The following PRKCA variants were observed in gnomAD, a reference collection of about 807,000 sequenced individuals.
PRKCA encodes protein kinase C alpha type.
Under a neutral mutation model 87.0 loss-of-function variants are expected in PRKCA, and 27 were observed. That is an observed-to-expected ratio of 0.31 (90% confidence interval 0.23 to 0.43). PRKCA has a LOEUF of 0.43. Ranked by LOEUF, PRKCA falls within the 20% of genes least tolerant of loss-of-function variation. The pLI is 1.00. For missense variants in PRKCA, 518 were observed against 852.3 expected (o/e 0.61, Z 4.88); for synonymous variants, 329 against 311.1 (o/e 1.06, Z -0.61).
In PRKCA at chr17:66,756,083, G is replaced by A. The variant is rs115674900; in HGVS notation, c.1524+13323G>A. Among the ~76,000 whole-genome samples the A allele has an allele frequency of 5.1e-3, 771 of 152,302 alleles. 5 individuals carry two copies. The highest frequency in any genetic ancestry group is 0.018 in the African/African-American group (750 of 41,564). On this transcript the variant is annotated intron_variant, in intron 13 of 16. Coordinates refer to ENST00000413366, the MANE Select transcript of PRKCA (RefSeq NM_002737.3). Reference sequence around the variant, plus strand: ...AGAATCAGTCACGGGGGCTCCACGCGTTTTGGAGTTTTCCCTCAGGAAGCG... The same window carrying A: ...AGAATCAGTCACGGGGGCTCCACGCATTTTGGAGTTTTCCCTCAGGAAGCG...
intron 3 of PRKCA, among the ~76,000 whole-genome samples, chr17:66,574,882 T>C (rs2143417457): frequency 6.6e-6 from 1 of 152,350 alleles, no homozygotes; most frequent in African/African-American, 2.4e-5. Context: ...AATAGAACAA[T>C]TCTAACAATA....
At chr17:66,735,816 TC>T (rs2144213870) in intron 10 of PRKCA, among the ~76,000 whole-genome samples, 154 bp downstream of exon 10, 1 of 152,138 alleles carries the variant, frequency 6.6e-6, no homozygotes, top group South Asian at 2.1e-4. Flanking sequence ...CTCCCACCTC[TC>T]TCACTGGTAG....
At position 66,689,086 on chromosome 17, in the gene PRKCA, G is replaced by C. The variant is rs779810615; in HGVS notation, c.918+39G>C. ...AATGCCCGGAAACACCTTTCCTTTAGAAAGCCCAACTTCAGGAACGGCCGA... is the reference window on the plus strand; with the variant it reads ...AATGCCCGGAAACACCTTTCCTTTACAAAGCCCAACTTCAGGAACGGCCGA... On this transcript the variant is annotated intron_variant, in intron 8 of 16. Coordinates refer to ENST00000413366, the MANE Select transcript of PRKCA (RefSeq NM_002737.3). The surrounding 1 kb of genome is among the most constrained non-coding windows in gnomAD (Gnocchi z 4.1). The C allele has an allele frequency of 7.2e-7, 1 of 1,379,640 alleles. No individual in the cohort carries two copies. Among genetic ancestry groups the C allele is most frequent in the Non-Finnish European group, 1.0e-6 (1 of 997,954 alleles). The allele number at this position is 1,379,640 out of a possible 1,614,324, so 85.5% of individuals were successfully genotyped here.
chr17:66,411,506 GC>G (rs1911804085), intron 2 of PRKCA, among the ~76,000 whole-genome samples: 1 of 152,194 alleles, frequency 6.6e-6, no homozygotes, highest in African/African-American at 2.4e-5. Context: ...TAGTTTGCCT[GC>G]CCTCTGGGAC....
intron 2 of PRKCA, among the ~76,000 whole-genome samples, chr17:66,445,249 G>A (rs1159499975): frequency 1.3e-5 from 2 of 152,200 alleles, no homozygotes; most frequent in Non-Finnish European, 2.9e-5. Flanking sequence ...TTGACCAGGA[G>A]TGTTTCCAGA....
At chr17:66,469,525 A>G (rs1915233129) in intron 2 of PRKCA, among the ~76,000 whole-genome samples, 1 of 152,210 alleles carries the variant, frequency 6.6e-6, no homozygotes, top group Non-Finnish European at 1.5e-5. Flanking sequence ...CTTTCTAGGT[A>G]TCTGAGCAAT....
chr17:66,305,178 A>G (rs1437442457), intron 1 of PRKCA, among the ~76,000 whole-genome samples: 1 of 152,148 alleles, frequency 6.6e-6, no homozygotes, highest in Non-Finnish European at 1.5e-5. Flanking sequence ...GTTTGCTTTC[A>G]TTATTGCTTC....
At chr17:66,331,965 C>CT (rs1043125659) in intron 2 of PRKCA, among the ~76,000 whole-genome samples, 3 of 151,776 alleles carry the variant, frequency 2.0e-5, no homozygotes, top group Admixed American at 6.6e-5. Flanking sequence ...TGTTAAACCA[C>CT]TTTTTTTTAC....
intron 2 of PRKCA, among the ~76,000 whole-genome samples, chr17:66,331,323 C>T (rs1356942017): frequency 6.6e-6 from 1 of 152,192 alleles, no homozygotes; most frequent in Non-Finnish European, 1.5e-5. Context: ...TACCTCTCAT[C>T]TCTTTATCTT....
At chr17:66,424,419 T>C (rs1462283673) in intron 2 of PRKCA, among the ~76,000 whole-genome samples, 3 of 151,938 alleles carry the variant, frequency 2.0e-5, no homozygotes. Context: ...AATAAAAAAA[T>C]CAGCCAGGCA....
intron 11 of PRKCA, among the ~76,000 whole-genome samples, chr17:66,739,762 G>C (rs1222810432): frequency 6.6e-6 from 1 of 152,030 alleles, no homozygotes; most frequent in East Asian, 1.9e-4. Context: ...TTATTTGAGG[G>C]GCGGGGGAAG....
intron 5 of PRKCA, among the ~76,000 whole-genome samples, chr17:66,658,514 A>G (rs367652301): frequency 6.6e-6 from 1 of 151,992 alleles, no homozygotes. Flanking sequence ...AACAACAACA[A>G]CAACAACAAC....
At chr17:66,517,155 G>A (rs569189434) in intron 3 of PRKCA, among the ~76,000 whole-genome samples, 4 of 151,986 alleles carry the variant, frequency 2.6e-5, no homozygotes, top group Admixed American at 6.5e-5. Context: ...GTGGTGGTGC[G>A]CACCTGTAGT....
At chr17:66,439,187 C>CTT (rs139989088) in intron 2 of PRKCA, among the ~76,000 whole-genome samples, 81 of 151,280 alleles carry the variant, frequency 5.4e-4, no homozygotes, top group Non-Finnish European at 8.7e-4. Context: ...TCTTTTCTTT[C>CTT]TTTTTTTTAT....
At chr17:66,410,141 G>A (rs1292681848) in intron 2 of PRKCA, among the ~76,000 whole-genome samples, 2 of 152,072 alleles carry the variant, frequency 1.3e-5, no homozygotes, top group African/African-American at 2.4e-5. Context: ...AAACTTTATA[G>A]CAAATATATT....
At chr17:66,329,900 A>T (rs1277286820) in intron 2 of PRKCA, among the ~76,000 whole-genome samples, 1 of 152,166 alleles carries the variant, frequency 6.6e-6, no homozygotes, top group African/African-American at 2.4e-5. Flanking sequence ...TTTTTCAACC[A>T]GCCGGGATGA....
At chr17:66,512,464 G>GTT (rs1917278968) in intron 3 of PRKCA, among the ~76,000 whole-genome samples, 1 of 50,418 alleles carries the variant, frequency 2.0e-5, no homozygotes, top group East Asian at 4.7e-4. Context: ...AAAAGTGTGT[G>GTT]TGTGTGTGTG....
At chr17:66,341,850 T>A (rs1192649328) in intron 2 of PRKCA, among the ~76,000 whole-genome samples, 1 of 152,218 alleles carries the variant, frequency 6.6e-6, no homozygotes. Context: ...ACCTTTGCAG[T>A]TTACCAAGAA....
intron 8 of PRKCA, among the ~76,000 whole-genome samples, chr17:66,707,959 C>A (rs1182645457): frequency 6.6e-6 from 1 of 152,198 alleles, no homozygotes; most frequent in Admixed American, 6.5e-5. Flanking sequence ...TTATAGGCAG[C>A]TAGAACCACA....
Sources: allele counts gnomAD v4.1 joint callset (sites outside exome capture counted in the v4.1 genomes callset), GRCh38; gene constraint gnomAD v4.1.1; non-coding constraint Gnocchi (gnomAD v3.1); transcripts MANE v1.5; gene names NCBI Gene and HGNC (gene_info 2026-07-23, HGNC 2026-07-21).